Variants in LAMTOR2 observed in about 807,000 individuals in gnomAD.
The protein encoded by LAMTOR2 is ragulator complex protein LAMTOR2.
LAMTOR2 carries 4 observed loss-of-function variants against 15.8 expected under a neutral mutation model. The ratio of observed to expected loss-of-function variants is 0.25; its 90% CI spans 0.12 to 0.58. LAMTOR2 has a LOEUF of 0.58. Among genes scored for constraint, LAMTOR2 ranks in the 20% least tolerant of loss-of-function variants. The pLI is 0.91. For synonymous variants in LAMTOR2, 62 were observed against 64.1 expected (o/e 0.97, Z 0.15); for missense variants, 100 against 161.0 (o/e 0.62, Z 2.05).
At chr1:156,058,265 T>C (rs777626972) in intron 3 of LAMTOR2, 50 bp from the exon 4 acceptor site, 1 of 1,610,642 alleles carries the variant, frequency 6.2e-7, no homozygotes, top group Admixed American at 1.7e-5. Flanking sequence ...GGATTTGGGG[T>C]CCCTAATGCC....
Position 156,054,821 on chromosome 1 carries a change from G to T in LAMTOR2, c.-69G>T. On this transcript the variant is annotated 5_prime_UTR_variant, in exon 1 of 4. Coordinates refer to ENST00000368305, the MANE Select transcript of LAMTOR2 (RefSeq NM_014017.4). ...CAGGCCAACGGGACTACGGGAAGCA[G>T]CGGGCAGCGGCCCGCGGGAGGCACC... is the stretch of plus-strand genomic sequence containing the variant. The T allele has an allele frequency of 6.6e-7, 1 of 1,514,778 alleles. No homozygotes were observed. Among genetic ancestry groups the T allele is most frequent in the Non-Finnish European group, 9.1e-7 (1 of 1,098,118 alleles). The allele number at this position is 1,514,778 out of a possible 1,614,324, so 93.8% of individuals were successfully genotyped here.
In LAMTOR2 at chr1:156,055,011, G is replaced by A. The variant is rs1435129436; in HGVS notation, c.68+54G>A. Reference sequence around the variant, plus strand: ...GAGCGCTGCAGTGGGGCGGCGCGCGGCTCCCTGAGGGAGGGGTGGGGAAGG... The same window carrying A: ...GAGCGCTGCAGTGGGGCGGCGCGCGACTCCCTGAGGGAGGGGTGGGGAAGG... On this transcript the variant is annotated intron_variant, in intron 1 of 3. Coordinates refer to ENST00000368305, the MANE Select transcript of LAMTOR2 (RefSeq NM_014017.4). The surrounding 1 kb of genome is among the most constrained non-coding windows in gnomAD (Gnocchi z 4.8). 4 of 1,564,054 alleles carry A rather than the reference G, an allele frequency of 2.6e-6. No homozygotes were observed. Among genetic ancestry groups the A allele is most frequent in the East Asian group, 2.3e-5 (1 of 43,608 alleles).
Position 156,055,617 on chromosome 1 carries a change from T to C in LAMTOR2, c.231+192T>C. 1 of 657,060 alleles carries C rather than the reference T, an allele frequency of 1.5e-6. No individual in the cohort carries two copies. Among genetic ancestry groups the C allele is most frequent in the Non-Finnish European group, 2.6e-6 (1 of 379,982 alleles). The allele number at this position is 657,060 out of a possible 1,614,324, so 40.7% of individuals were successfully genotyped here. On this transcript the variant is annotated intron_variant, in intron 2 of 3. Coordinates refer to ENST00000368305, the MANE Select transcript of LAMTOR2 (RefSeq NM_014017.4). The surrounding 1 kb of genome is among the most constrained non-coding windows in gnomAD (Gnocchi z 4.8). ...GGTGGTGAGGAAGGATCCCTGGACCTGAGAGGTCTGACTTGGGTTCTGGTC... is the reference window on the plus strand; with the variant it reads ...GGTGGTGAGGAAGGATCCCTGGACCCGAGAGGTCTGACTTGGGTTCTGGTC...
In LAMTOR2 at chr1:156,055,251, G is replaced by T; in HGVS notation, c.69-12G>T. The T allele has an allele frequency of 6.2e-7, 1 of 1,613,406 alleles. No individual in the cohort carries two copies. The highest frequency in any genetic ancestry group is 8.5e-7 in the Non-Finnish European group (1 of 1,179,962). On this transcript the variant is annotated splice_polypyrimidine_tract_variant and intron_variant, in intron 1 of 3. Transcript: ENST00000368305. This position sits in a 1 kb window ranked among gnomAD's most constrained non-coding sequence, Gnocchi z 4.8. Reference sequence around the variant, plus strand: ...TCTGAGCACATCGCTATCCCTCCCCGCCCCTCACCAGGCTGCTGAATAACG... The same window carrying T: ...TCTGAGCACATCGCTATCCCTCCCCTCCCCTCACCAGGCTGCTGAATAACG...
intron 2 of LAMTOR2, among the ~76,000 whole-genome samples, chr1:156,056,990 C>T (rs975970556): frequency 3.3e-5 from 5 of 151,550 alleles, no homozygotes; most frequent in Admixed American, 2.0e-4. Context: ...CCAGCCTGGC[C>T]AACATGGTGA....
chr1:156,057,398 AAC>A (rs1201288649), intron 2 of LAMTOR2, among the ~76,000 whole-genome samples: 4 of 152,162 alleles, frequency 2.6e-5, no homozygotes, highest in Admixed American at 1.3e-4. Flanking sequence ...GTCAGAGCTC[AAC>A]ACACACATAG....
At position 156,054,854 on chromosome 1, in the gene LAMTOR2, T is replaced by C. The variant is rs781534003; in HGVS notation, c.-36T>C. The stretch of plus-strand genomic sequence containing the variant: ...CGGCCCGCGGGAGGCACCTCGGAGA[T>C]CTGGGTGCAAAAGCCCAGGGTTAGG... On this transcript the variant is annotated 5_prime_UTR_variant, in exon 1 of 4. Transcript: ENST00000368305. 12 of 1,606,746 alleles carry C rather than the reference T, an allele frequency of 7.5e-6. No homozygotes were observed. The highest frequency in any genetic ancestry group is 1.7e-5 in the Admixed American group (1 of 59,726).
Position 156,057,959 on chromosome 1 carries a change from A to G in LAMTOR2, c.232-19A>G, listed in dbSNP as rs752057112. ...GGTGCCAAGCAGAACATCACATCCC[A>G]TCATATCACCCCCACCAGGAGGGCC... On this transcript the variant is annotated intron_variant, in intron 2 of 3. Transcript: ENST00000368305. The G allele has an allele frequency of 3.7e-6, 6 of 1,612,536 alleles. No homozygotes were observed. The highest frequency in any genetic ancestry group is 5.1e-6 in the Non-Finnish European group (6 of 1,178,634).
At position 156,055,065 on chromosome 1, in the gene LAMTOR2, G is replaced by C. The variant is rs557119406; in HGVS notation, c.68+108G>C. On this transcript the variant is annotated intron_variant, in intron 1 of 3. Transcript: ENST00000368305. The surrounding 1 kb of genome is among the most constrained non-coding windows in gnomAD (Gnocchi z 4.8). ...ACCAGGAAGGGAGGAAGCGGCAGAG[G>C]GGGCAGCGGCTGGGGATACCGGCCG... 2.8e-5 allele frequency: 39 copies of C among 1,414,224 alleles called. No individual in the cohort carries two copies. The highest frequency in any genetic ancestry group is 1.8e-4 in the Admixed American group (10 of 56,690). 87.6% of individuals were successfully genotyped at this position (1,414,224 alleles called of 1,614,324 possible).
chr1:156,054,799 G>A lies in LAMTOR2; in HGVS notation c.-91G>A. ...CAACTCCCAGGGCGTCCCGGAGCAGGCCAACGGGACTACGGGAAGCAGCGG... is the reference window on the plus strand; with the variant it reads ...CAACTCCCAGGGCGTCCCGGAGCAGACCAACGGGACTACGGGAAGCAGCGG... On this transcript the variant is annotated 5_prime_UTR_variant, in exon 1 of 4. Transcript: ENST00000368305. 1 of 1,318,854 alleles carries A rather than the reference G, an allele frequency of 7.6e-7. No individual in the cohort carries two copies. The highest frequency in any genetic ancestry group is 1.1e-6 in the Non-Finnish European group (1 of 926,704). 81.7% of individuals were successfully genotyped at this position (1,318,854 alleles called of 1,614,324 possible).
chr1:156,055,236 T>G lies in LAMTOR2; in HGVS notation c.69-27T>G, dbSNP rs556696100. On this transcript the variant is annotated intron_variant, in intron 1 of 3. Coordinates refer to ENST00000368305, the MANE Select transcript of LAMTOR2 (RefSeq NM_014017.4). The surrounding 1 kb of genome is among the most constrained non-coding windows in gnomAD (Gnocchi z 4.8). ...CGTTTTACTCCCCGCTCTGAGCACA[T>G]CGCTATCCCTCCCCGCCCCTCACCA... 6.2e-7 allele frequency: 1 copy of G among 1,612,730 alleles called. No homozygotes were observed. The highest frequency in any genetic ancestry group is 8.5e-7 in the Non-Finnish European group (1 of 1,179,860).
Position 156,055,193 on chromosome 1 carries a change from T to C in LAMTOR2, c.69-70T>C. ...TTGCTGGATGTGCCCTTGGTGGGACTTGGGATGGAAACCCAGACGTTTTAC... is the reference window on the plus strand; with the variant it reads ...TTGCTGGATGTGCCCTTGGTGGGACCTGGGATGGAAACCCAGACGTTTTAC... On this transcript the variant is annotated intron_variant, in intron 1 of 3. Transcript: ENST00000368305. The surrounding 1 kb of genome is among the most constrained non-coding windows in gnomAD (Gnocchi z 4.8). 6.3e-7 allele frequency: 1 copy of C among 1,597,196 alleles called. No individual in the cohort carries two copies. Among genetic ancestry groups the C allele is most frequent in the Non-Finnish European group, 8.5e-7 (1 of 1,170,010 alleles).
chr1:156,054,874 G>A lies in LAMTOR2; in HGVS notation c.-16G>A. 1 of 1,612,398 alleles carries A rather than the reference G, an allele frequency of 6.2e-7. No individual in the cohort carries two copies. The highest frequency in any genetic ancestry group is 2.2e-5 in the East Asian group (1 of 44,828). The stretch of plus-strand genomic sequence containing the variant: ...GGAGATCTGGGTGCAAAAGCCCAGG[G>A]TTAGGAACCGTAGGCATGCTGCGCC... On this transcript the variant is annotated 5_prime_UTR_variant, in exon 1 of 4. Coordinates refer to ENST00000368305, the MANE Select transcript of LAMTOR2 (RefSeq NM_014017.4).
At position 156,055,723 on chromosome 1, in the gene LAMTOR2, A is replaced by G; in HGVS notation, c.231+298A>G. ...GCTTCCTTACCTCATGTTTAAGGAG[A>G]AGACAATAATTTCCCTCTCCCCGCT... is the stretch of plus-strand genomic sequence containing the variant. On this transcript the variant is annotated intron_variant, in intron 2 of 3. Coordinates refer to ENST00000368305, the MANE Select transcript of LAMTOR2 (RefSeq NM_014017.4). The surrounding 1 kb of genome is among the most constrained non-coding windows in gnomAD (Gnocchi z 4.8). The G allele has an allele frequency of 2.3e-6, 1 of 441,200 alleles. No homozygotes were observed. The highest frequency in any genetic ancestry group is 6.7e-4 in the Middle Eastern group (1 of 1,492). 27.3% of individuals were successfully genotyped at this position (441,200 alleles called of 1,614,324 possible).
In LAMTOR2 at chr1:156,058,474, G is replaced by GT. The variant is rs1384901241; in HGVS notation, c.*109dup. 7.9e-7 allele frequency: 1 copy of GT among 1,262,884 alleles called. No homozygotes were observed. The highest frequency in any genetic ancestry group is 1.5e-5 in the African/African-American group (1 of 67,838). The allele number at this position is 1,262,884 out of a possible 1,614,324, so 78.2% of individuals were successfully genotyped here. ...GACAATGGGGGGAGGATGGGACTTT[G>GT]TTTTTTCCAAGAATAAACTTCAACT... On this transcript the variant is annotated 3_prime_UTR_variant, in exon 4 of 4. Coordinates refer to ENST00000368305, the MANE Select transcript of LAMTOR2 (RefSeq NM_014017.4).
chr1:156,058,276 A>G (rs1647439010), intron 3 of LAMTOR2, 39 bp from the exon 4 acceptor site: 2 of 1,613,778 alleles, frequency 1.2e-6, no homozygotes, highest in Non-Finnish European at 1.7e-6. Context: ...CCCTAATGCC[A>G]GGCTGTGTGC....
chr1:156,055,297 T>C lies in LAMTOR2; in HGVS notation c.103T>C (p.Ser35Pro), dbSNP rs778033832. ...LNNEGSLLAYSGYGDTDARVT... is the reference protein window; with the variant it reads ...LNNEGSLLAYPGYGDTDARVT... The stretch of plus-strand genomic sequence containing the variant: ...TAACGAGGGATCACTGCTGGCCTAC[T>C]CTGGTTACGGGGACACTGACGCCCG... The change falls in exon 2 of 4, where the codon TCT becomes CCT. Residue 35 changes from serine (S) to proline (P), a missense_variant. Ser to Pro is a moderately conservative substitution (Grantham distance 74). Coordinates refer to ENST00000368305, the MANE Select transcript of LAMTOR2 (RefSeq NM_014017.4). This position sits in a 1 kb window ranked among gnomAD's most constrained non-coding sequence, Gnocchi z 4.8. The C allele has an allele frequency of 6.2e-7, 1 of 1,614,162 alleles. No individual in the cohort carries two copies. Among genetic ancestry groups the C allele is most frequent in the Non-Finnish European group, 8.5e-7 (1 of 1,180,030 alleles).
rs1378400772 is a variant in LAMTOR2, at chr1:156,055,102, G to A, written c.68+145G>A. ...GGGGATACCGGCCGGGAGGTCCCCT[G>A]TCGAAAAGGGAAGCCGGTGTGCTGG... is the stretch of plus-strand genomic sequence containing the variant. On this transcript the variant is annotated intron_variant, in intron 1 of 3. Transcript: ENST00000368305. This position sits in a 1 kb window ranked among gnomAD's most constrained non-coding sequence, Gnocchi z 4.8. 1.5e-6 allele frequency: 2 copies of A among 1,359,808 alleles called. No individual in the cohort carries two copies. The highest frequency in any genetic ancestry group is 4.6e-5 in the East Asian group (2 of 43,418). 84.2% of individuals were successfully genotyped at this position (1,359,808 alleles called of 1,614,324 possible). A position where few individuals can be genotyped will look rare whatever the true frequency, so the allele number is the denominator to read the frequency against.
rs965770147 is a variant in LAMTOR2, at chr1:156,055,756, T to G, written c.231+331T>G. ...AATTTCCCTCTCCCCGCTCCCCTCATGGGTTGTTGTGAAGGTCAGATGAAA... is the reference window on the plus strand; with the variant it reads ...AATTTCCCTCTCCCCGCTCCCCTCAGGGGTTGTTGTGAAGGTCAGATGAAA... On this transcript the variant is annotated intron_variant, in intron 2 of 3. Transcript: ENST00000368305. The surrounding 1 kb of genome is among the most constrained non-coding windows in gnomAD (Gnocchi z 4.8). 1.1e-5 allele frequency: 4 copies of G among 380,068 alleles called. No homozygotes were observed. The highest frequency in any genetic ancestry group is 8.2e-5 in the African/African-American group (4 of 48,512). 23.5% of individuals were successfully genotyped at this position (380,068 alleles called of 1,614,324 possible).
Sources: gnomAD v4.1 joint callset for allele counts (sites outside exome capture counted in the v4.1 genomes callset) on GRCh38, gnomAD v4.1.1 for gene constraint, Gnocchi (gnomAD v3.1) non-coding constraint, MANE v1.5 for transcripts, NCBI Gene and HGNC (gene_info 2026-07-23, HGNC 2026-07-21) for gene names.